Variants in CTNNA3 observed in about 807,000 individuals in gnomAD.
CTNNA3 encodes catenin alpha-3.
Under a neutral mutation model 95.7 loss-of-function variants are expected in CTNNA3, and 76 were observed. The observed-to-expected ratio is 0.79, with a 90% CI of 0.66 to 0.96. The LOEUF (loss-of-function observed/expected upper bound fraction) is 0.96. Ranked by LOEUF, CTNNA3 falls within the 40% of genes least tolerant of loss-of-function variation. The pLI is 0.00. For synonymous variants in CTNNA3, 431 were observed against 374.4 expected (o/e 1.15, Z -1.74); for missense variants, 1,191 against 1,089.8 (o/e 1.09, Z -1.31).
chr10:66,803,992 G>A (rs1325995408), intron 7 of CTNNA3, among the ~76,000 whole-genome samples: 1 of 150,484 alleles, frequency 6.6e-6, no homozygotes, highest in Non-Finnish European at 1.5e-5. Flanking sequence ...GCAGTGGTGT[G>A]CATGTATTGT....
At chr10:67,554,879 T>C (rs139047472) in intron 3 of CTNNA3, among the ~76,000 whole-genome samples, 263 of 152,348 alleles carry the variant, frequency 1.7e-3, no homozygotes, top group African/African-American at 5.9e-3. Context: ...AGGGTTTTTA[T>C]CGTTTTAGGT....
intron 3 of CTNNA3, among the ~76,000 whole-genome samples, chr10:67,603,266 T>C (rs1379794081): frequency 3.9e-5 from 6 of 152,152 alleles, no homozygotes; most frequent in African/African-American, 1.4e-4. Flanking sequence ...GGGAATAAGG[T>C]CATGTTTTGC....
At chr10:67,047,711 T>TA (rs1445143704) in intron 7 of CTNNA3, among the ~76,000 whole-genome samples, 1 of 152,110 alleles carries the variant, frequency 6.6e-6, no homozygotes, top group Non-Finnish European at 1.5e-5. Flanking sequence ...CATACTAAAA[T>TA]AATTAGTGTA....
chr10:67,539,635 T>G lies in CTNNA3; in HGVS notation c.327A>C (p.Thr109=), dbSNP rs748549290. The part of the protein sequence containing the change: ...EALKVSAERF[T]DDPCFLPKRE... ...TTTTTGGGAGAAAACAGGGGTCATC[T>G]GTAAATCTCTCAGCTGATACTTTCA... Residue 109 remains threonine (T), a synonymous_variant, in exon 4 of 18, where the codon ACA becomes ACC. Transcript: ENST00000433211. The G allele has an allele frequency of 1.1e-5, 18 of 1,613,616 alleles. No individual in the cohort carries two copies. The East Asian group carries it at 3.6e-4, about 32-fold the overall frequency.
intron 12 of CTNNA3, among the ~76,000 whole-genome samples, chr10:66,339,202 C>T (rs1049987417): frequency 6.6e-6 from 1 of 151,828 alleles, no homozygotes; most frequent in Non-Finnish European, 1.5e-5. Flanking sequence ...TAAAATTAAT[C>T]TCTGTTATTA....
At chr10:66,881,075 T>C (rs1020768297) in intron 7 of CTNNA3, among the ~76,000 whole-genome samples, 3 of 152,214 alleles carry the variant, frequency 2.0e-5, no homozygotes, top group Non-Finnish European at 4.4e-5. Context: ...GGCAGCATCC[T>C]GGGTGACCTA....
intron 4 of CTNNA3, among the ~76,000 whole-genome samples, chr10:67,539,048 G>A (rs946668435): frequency 6.6e-6 from 1 of 152,078 alleles, no homozygotes; most frequent in Non-Finnish European, 1.5e-5. Context: ...CAGACTACCT[G>A]TAAACATGCA....
intron 7 of CTNNA3, among the ~76,000 whole-genome samples, chr10:66,913,312 C>T (rs944917906): frequency 6.6e-5 from 9 of 137,222 alleles, no homozygotes. Context: ...CTTAAAATGA[C>T]ACTAGTGCAA....
chr10:66,323,636 A>T (rs1048306835), intron 12 of CTNNA3, among the ~76,000 whole-genome samples: 1 of 148,316 alleles, frequency 6.7e-6, no homozygotes, highest in Non-Finnish European at 1.5e-5. Context: ...TGGGTGAAAG[A>T]GGGAGAATCC....
chr10:66,975,182 G>T (rs913843971), intron 7 of CTNNA3, among the ~76,000 whole-genome samples: 3 of 152,132 alleles, frequency 2.0e-5, no homozygotes, highest in Non-Finnish European at 4.4e-5. Flanking sequence ...TTCTGCAATT[G>T]ATAGCTAGCT....
chr10:66,677,262 A>G (rs1353465338), intron 9 of CTNNA3, among the ~76,000 whole-genome samples: 1 of 152,054 alleles, frequency 6.6e-6, no homozygotes, highest in Non-Finnish European at 1.5e-5. Context: ...CTAAAAAAAC[A>G]TACACACTAA....
chr10:67,038,984 G>A (rs905396602), intron 7 of CTNNA3, among the ~76,000 whole-genome samples: 10 of 151,882 alleles, frequency 6.6e-5, no homozygotes, highest in Non-Finnish European at 1.2e-4. Flanking sequence ...AATTTTTCAG[G>A]CATAATCAAG....
chr10:67,281,504 T>C (rs1425427150), intron 5 of CTNNA3, among the ~76,000 whole-genome samples: 1 of 152,178 alleles, frequency 6.6e-6, no homozygotes, highest in Non-Finnish European at 1.5e-5. Context: ...AGGAAAAAAA[T>C]GCACAGCACT....
At chr10:66,666,261 T>C (rs1235584432) in intron 9 of CTNNA3, among the ~76,000 whole-genome samples, 2 of 152,168 alleles carry the variant, frequency 1.3e-5, no homozygotes, top group Admixed American at 1.3e-4. Flanking sequence ...TCAATTCATT[T>C]GCTGCCTGGT....
At chr10:67,670,425 A>C (rs913617200) in intron 1 of CTNNA3, among the ~76,000 whole-genome samples, 1 of 152,276 alleles carries the variant, frequency 6.6e-6, no homozygotes, top group African/African-American at 2.4e-5. Context: ...TAAATTTTCC[A>C]AAATATAACT....
At chr10:66,150,300 T>C (rs962770916) in intron 13 of CTNNA3, among the ~76,000 whole-genome samples, 1 of 152,164 alleles carries the variant, frequency 6.6e-6, no homozygotes, top group Non-Finnish European at 1.5e-5. Flanking sequence ...GACTTGCTCC[T>C]CCTTGCCTTC....
At chr10:66,851,669 C>CACACAT (rs1483444477) in intron 7 of CTNNA3, among the ~76,000 whole-genome samples, 1 of 146,188 alleles carries the variant, frequency 6.8e-6, no homozygotes, top group Admixed American at 6.8e-5. Context: ...CACACACACA[C>CACACAT]ACGCCATGTG....
At chr10:66,181,041 T>C (rs116656550) in intron 13 of CTNNA3, among the ~76,000 whole-genome samples, 111 of 152,266 alleles carry the variant, frequency 7.3e-4, no homozygotes, top group African/African-American at 2.6e-3. Context: ...ATTTGACTGA[T>C]GGTAAGAAAA....
At chr10:66,195,671 A>T (rs1270228610) in intron 13 of CTNNA3, among the ~76,000 whole-genome samples, 1 of 152,172 alleles carries the variant, frequency 6.6e-6, no homozygotes, top group Non-Finnish European at 1.5e-5. Context: ...CTTTATTGCA[A>T]TGGAAAGCTG....
Sources: gnomAD v4.1 joint callset for allele counts (sites outside exome capture counted in the v4.1 genomes callset) on GRCh38, gnomAD v4.1.1 for gene constraint, MANE v1.5 for transcripts, NCBI Gene and HGNC (gene_info 2026-07-23, HGNC 2026-07-21) for gene names.